The following PBX1 variants were observed in gnomAD, a reference collection of about 807,000 sequenced individuals.
The protein encoded by PBX1 is pre-B-cell leukemia transcription factor 1.
A neutral mutation model predicts 53.4 loss-of-function variants in PBX1; 6 were observed. The observed-to-expected ratio is 0.11, with a 90% confidence interval of 0.06 to 0.22. PBX1 has a LOEUF of 0.22. Among genes scored for constraint, PBX1 ranks in the 10% least tolerant of loss-of-function variants. The probability of loss-of-function intolerance (pLI) is 1.00; values close to 1 mark genes in which losing one functional copy is unlikely to be tolerated. For missense variants in PBX1, 251 were observed against 551.4 expected, an observed-to-expected ratio of 0.46 and a Z score of 5.46; for synonymous variants, 204 against 212.3, an observed-to-expected ratio of 0.96 and a Z score of 0.34.
rs78707378 is a variant in PBX1 at position 164,744,811 on chromosome 1, A to G, written c.266-47683A>G. 7.9e-3 allele frequency among the ~76,000 whole-genome samples: 1,198 copies of G among 152,208 alleles called. 14 individuals carry two copies. The highest frequency in any genetic ancestry group is 0.028 in the African/African-American group (1,146 of 41,510). On this transcript the variant is annotated intron_variant, in intron 2 of 8. Transcript: ENST00000420696. ...GACATTTTTTTCAGCAGCATAGGCA[A>G]AAATTGTATATATGTCCCAAACCTT...
intron 6 of PBX1, chr1:164,818,347 A>G (rs1292451247): frequency 6.6e-6 from 1 of 152,200 alleles, no homozygotes; most frequent in Non-Finnish European, 1.5e-5. Context: ...ACACCTGGCC[A>G]GATCTTACAC....
chr1:164,870,242 C>A (rs926326589), intron 2 of PBX1, among the ~76,000 whole-genome samples: 2 of 55,432 alleles, frequency 3.6e-5, no homozygotes, highest in Non-Finnish European at 7.1e-5. Context: ...TCCTTCCTTC[C>A]TTCCTTCCTT....
chr1:164,835,576 T>C (rs1231895244), intron 8 of PBX1, among the ~76,000 whole-genome samples: 3 of 152,346 alleles, frequency 2.0e-5, no homozygotes, highest in African/African-American at 7.2e-5. Context: ...GATTGAACAT[T>C]TTTTATATGT....
At chr1:164,846,314 G>T (rs563031323) in intron 8 of PBX1, among the ~76,000 whole-genome samples, 8 of 152,098 alleles carry the variant, frequency 5.3e-5, no homozygotes, top group East Asian at 1.9e-4. Flanking sequence ...CTGCTGGCTG[G>T]GACTTAATTA....
chr1:164,853,923 T>C (rs1445008560), downstream of PBX1, among the ~76,000 whole-genome samples: 1 of 143,538 alleles, frequency 7.0e-6, no homozygotes, highest in East Asian at 2.0e-4. Flanking sequence ...TTTTATTTAT[T>C]TATTTTTATT....
chr1:164,652,437 C>T (rs1659889157), intron 2 of PBX1, among the ~76,000 whole-genome samples: 1 of 152,120 alleles, frequency 6.6e-6, no homozygotes, highest in Non-Finnish European at 1.5e-5. Context: ...ATATTATTGG[C>T]ATTTTATATT....
chr1:164,624,936 G>T (rs1426463156), intron 2 of PBX1, among the ~76,000 whole-genome samples: 1 of 152,028 alleles, frequency 6.6e-6, no homozygotes, highest in Admixed American at 6.6e-5. Context: ...CTAGAAAATA[G>T]GTTTATAAAG....
downstream of PBX1, among the ~76,000 whole-genome samples, chr1:164,852,809 A>C (rs1671888490): frequency 6.6e-6 from 1 of 152,196 alleles, no homozygotes; most frequent in Non-Finnish European, 1.5e-5. Flanking sequence ...GCTATCTGCT[A>C]ATGTTGAGTT....
At chr1:164,793,876 T>A (rs1341049387) in intron 3 of PBX1, among the ~76,000 whole-genome samples, 1 of 138,522 alleles carries the variant, frequency 7.2e-6, no homozygotes, top group Admixed American at 7.1e-5. Context: ...TCCTTTCTTT[T>A]TTTTTTTTTT....
At chr1:164,854,591 A>G (rs1051354403), downstream of PBX1, among the ~76,000 whole-genome samples, 2 of 151,554 alleles carry the variant, frequency 1.3e-5, no homozygotes, top group African/African-American at 2.4e-5. Context: ...CAAAGAAGTA[A>G]GTGGTTTTGC....
intron 2 of PBX1, among the ~76,000 whole-genome samples, chr1:164,771,953 G>A (rs1335571808): frequency 2.6e-5 from 4 of 152,172 alleles, no homozygotes; most frequent in African/African-American, 9.7e-5. Flanking sequence ...TGTAGAAACC[G>A]AGATCTTTGT....
At chr1:164,702,348 C>G (rs1396950998) in intron 2 of PBX1, among the ~76,000 whole-genome samples, 1 of 152,144 alleles carries the variant, frequency 6.6e-6, no homozygotes, top group Non-Finnish European at 1.5e-5. Flanking sequence ...TGGGCTCAAG[C>G]TTTTTCCAAA....
chr1:164,595,650 C>A (rs1243173485), intron 2 of PBX1, among the ~76,000 whole-genome samples: 3 of 151,964 alleles, frequency 2.0e-5, no homozygotes, highest in Non-Finnish European at 4.4e-5. Flanking sequence ...TCACTGGCTT[C>A]AAGAAACCAC....
At chr1:164,566,252 T>G (rs1653424978) in intron 2 of PBX1, among the ~76,000 whole-genome samples, 1 of 152,164 alleles carries the variant, frequency 6.6e-6, no homozygotes, top group Non-Finnish European at 1.5e-5. Flanking sequence ...TGGGGATATT[T>G]AAAAAACAAA....
chr1:164,792,855 T>G (rs1049102514), intron 3 of PBX1, 117 bp downstream of exon 3: 6 of 773,810 alleles, frequency 7.8e-6, no homozygotes, highest in African/African-American at 1.8e-5. Flanking sequence ...GGCATCCCTG[T>G]GCCCGGCATC....
At chr1:164,856,228 C>A (rs1671972178), downstream of PBX1, among the ~76,000 whole-genome samples, 1 of 152,170 alleles carries the variant, frequency 6.6e-6, no homozygotes, top group East Asian at 1.9e-4. Flanking sequence ...GAGTTCCAGG[C>A]CTTGAATAAC....
rs187665249 is a variant in PBX1 at position 164,666,034 on chromosome 1, G to T, written c.265+102723G>T. 3.6e-3 allele frequency among the ~76,000 whole-genome samples: 542 copies of T among 152,270 alleles called. 2 individuals are homozygous for T. The highest frequency in any genetic ancestry group is 0.011 in the African/African-American group (466 of 41,564). ...GGCAGCCATAAAATTTTCGGTATGG[G>T]ATTCTCAGTGTTGGGCAACTCCAGG... On this transcript the variant is annotated intron_variant, in intron 2 of 8. Coordinates refer to ENST00000420696, the MANE Select transcript of PBX1 (RefSeq NM_002585.4).
intron 2 of PBX1, among the ~76,000 whole-genome samples, chr1:164,634,145 C>T (rs765873310): frequency 1.3e-5 from 2 of 152,130 alleles, no homozygotes; most frequent in Non-Finnish European, 2.9e-5. Flanking sequence ...AAGGCTTTTC[C>T]TTCTTCTTGT....
At chr1:164,593,582 TA>T (rs1465719706) in intron 2 of PBX1, among the ~76,000 whole-genome samples, 4 of 152,154 alleles carry the variant, frequency 2.6e-5, no homozygotes, top group Non-Finnish European at 4.4e-5. Flanking sequence ...TTTTCATCTA[TA>T]AAAATGTGGG....
Sources: allele counts gnomAD v4.1 joint callset (sites outside exome capture counted in the v4.1 genomes callset), GRCh38; gene constraint gnomAD v4.1.1; transcripts MANE v1.5; gene names NCBI Gene and HGNC (gene_info 2026-07-23, HGNC 2026-07-21).